Variants in PLXNC1 observed in about 807,000 individuals in gnomAD.
PLXNC1 encodes plexin C1, also known as plexin-C1.
In PLXNC1, 75 loss-of-function variants were observed where a neutral mutation model predicts 178.2. The ratio of observed to expected loss-of-function variants is 0.42; its 90% confidence interval spans 0.35 to 0.51. The LOEUF (loss-of-function observed/expected upper bound fraction) is 0.51, where lower values mean the gene tolerates loss of function less well. PLXNC1 is among the 20% of genes least tolerant of loss of function. The probability of loss-of-function intolerance (pLI) is 0.02; values close to 1 mark genes in which losing one functional copy is unlikely to be tolerated. For synonymous variants in PLXNC1, 790 were observed against 779.9 expected (o/e 1.01, Z -0.22); for missense variants, 1,503 against 1,984.4 (o/e 0.76, Z 4.61).
At chr12:94,204,443 A>T in intron 4 of PLXNC1, among the ~76,000 whole-genome samples, 1 of 152,246 alleles carries the variant, frequency 6.6e-6, no homozygotes, top group Admixed American at 6.5e-5. Flanking sequence ...GCTTAAAAAA[A>T]ATCTTTTAAT....
Position 94,300,916 on chromosome 12 carries a change from T to C in PLXNC1, c.4245T>C (p.Pro1415=), listed in dbSNP as rs61733432. 2,053 of 1,612,242 alleles carry C rather than the reference T, an allele frequency of 1.3e-3. 25 individuals carry two copies. The African/African-American group carries it at 0.023, about 18-fold the overall frequency. Residue 1415 remains proline (P), a synonymous_variant, in exon 28 of 31, where the codon CCT becomes CCC. Coordinates refer to ENST00000258526, the MANE Select transcript of PLXNC1 (RefSeq NM_005761.3). ...TTATTCTCTCTTTGAACAGCCTTCC[T>C]CTTCGCTTCTGGGTAAACATCCTGA... ...VVHIWKTNSL[P]LRFWVNILKN...
Position 94,240,600 on chromosome 12 carries a change from G to A in PLXNC1, c.2236G>A (p.Gly746Arg). The change falls in exon 11 of 31, where the codon GGA becomes AGA. Residue 746 changes from glycine to arginine, a missense_variant. Transcript: ENST00000258526. ...TGATGGTGGGAACTGCTCTTCTGTG[G>A]GATCCTTATCCTACATTGCTCTGCC... ...QFDGGNCSSV[G>R]SLSYIALPHC... is the part of the protein sequence containing the mutation. The A allele has an allele frequency of 1.9e-6, 3 of 1,613,960 alleles. No individual in the cohort carries two copies. Among genetic ancestry groups the A allele is most frequent in the Non-Finnish European group, 1.7e-6 (2 of 1,179,850 alleles).
At chr12:94,166,260 G>A (rs1165581846) in intron 1 of PLXNC1, among the ~76,000 whole-genome samples, 2 of 152,172 alleles carry the variant, frequency 1.3e-5, no homozygotes, top group Non-Finnish European at 2.9e-5. Context: ...CTTTACTGAG[G>A]CTTACGCACA....
Position 94,304,031 on chromosome 12 carries a change from A to G in PLXNC1, c.4582A>G (p.Ile1528Val). ...GGCCTTGACAGAAATTTACAAATAC[A>G]TCGTAAAATATTTTGATGAGGTAAG... is the stretch of plus-strand genomic sequence containing the variant. ...EVALTEIYKY[I>V]VKYFDEILNK... Residue 1528 changes from isoleucine to valine, a missense_variant, in exon 30 of 31, where the codon ATC becomes GTC. Around this residue, in one of 4 missense-constraint regions of PLXNC1, gnomAD observed 639 missense variants for 979.7 expected, o/e 0.65. Transcript: ENST00000258526. 2.6e-6 allele frequency: 4 copies of G among 1,561,112 alleles called. No homozygotes were observed. Among genetic ancestry groups the G allele is most frequent in the Non-Finnish European group, 3.5e-6 (4 of 1,133,388 alleles).
At chr12:94,251,058 T>TA (rs1201272872) in intron 14 of PLXNC1, among the ~76,000 whole-genome samples, 1 of 151,578 alleles carries the variant, frequency 6.6e-6, no homozygotes, top group Non-Finnish European at 1.5e-5. Flanking sequence ...GTAAAAATGA[T>TA]AAAAATTGAG....
At chr12:94,305,074 G>T in intron 30 of PLXNC1, 107 bp from the exon 31 acceptor site, 1 of 658,022 alleles carries the variant, frequency 1.5e-6, no homozygotes, top group Admixed American at 2.8e-5. Context: ...GAAAATGTTG[G>T]CATCTGTTTC....
chr12:94,233,240 T>A (rs1370562910), intron 9 of PLXNC1, among the ~76,000 whole-genome samples: 1 of 152,094 alleles, frequency 6.6e-6, no homozygotes, highest in Non-Finnish European at 1.5e-5. Context: ...CAGAATAGGC[T>A]TAGTGAGGCA....
intron 15 of PLXNC1, 34 bp from the exon 16 acceptor site, chr12:94,254,753 C>T: frequency 1.3e-6 from 2 of 1,487,658 alleles, no homozygotes; most frequent in Non-Finnish European, 1.8e-6. Flanking sequence ...TTTGAGTTAC[C>T]ATGTCCCTCT....
At chr12:94,214,318 C>A (rs1394861171) in intron 5 of PLXNC1, among the ~76,000 whole-genome samples, 1 of 152,040 alleles carries the variant, frequency 6.6e-6, no homozygotes, top group Non-Finnish European at 1.5e-5. Flanking sequence ...AACCCCTGGG[C>A]TCAAGTGATC....
At chr12:94,176,370 T>C (rs747469368) in intron 2 of PLXNC1, 7 of 152,212 alleles carry the variant, frequency 4.6e-5, no homozygotes, top group Non-Finnish European at 8.8e-5. Flanking sequence ...AGAGATGATA[T>C]GAACACTGAC....
At chr12:94,218,361 C>T (rs182702430) in intron 5 of PLXNC1, among the ~76,000 whole-genome samples, 1 of 152,172 alleles carries the variant, frequency 6.6e-6, no homozygotes, top group African/African-American at 2.4e-5. Context: ...TATCAAAGAA[C>T]CAGGGAGACA....
intron 4 of PLXNC1, among the ~76,000 whole-genome samples, chr12:94,190,030 G>A (rs1307952366): frequency 1.3e-5 from 2 of 152,102 alleles, no homozygotes; most frequent in African/African-American, 4.8e-5. Context: ...AGGAAGTGTT[G>A]GAAAGAGAGA....
At chr12:94,274,155 T>TAAAAAAAAAAAAAAAAAAAAAAAAAA (rs3060881) in intron 21 of PLXNC1, among the ~76,000 whole-genome samples, 1 of 45,370 alleles carries the variant, frequency 2.2e-5, no homozygotes, top group African/African-American at 1.2e-4. Context: ...ACCCTGTCTC[T>TAAAAAAAAAAAAAAAAAAAAAAAAAA]AAAAAAAAAA....
chr12:94,240,390 T>C, intron 10 of PLXNC1, 95 bp from the exon 11 acceptor site: 1 of 933,782 alleles, frequency 1.1e-6, no homozygotes, highest in Non-Finnish European at 1.7e-6. Flanking sequence ...CATGAAGTGT[T>C]GTAGTTCAAG....
intron 7 of PLXNC1, among the ~76,000 whole-genome samples, chr12:94,225,878 T>C (rs1963923758): frequency 6.6e-6 from 1 of 152,208 alleles, no homozygotes. Flanking sequence ...GCAGTTTCTG[T>C]AGATCAGAAT....
At chr12:94,287,562 C>T (rs954168417) in intron 23 of PLXNC1, among the ~76,000 whole-genome samples, 3 of 151,420 alleles carry the variant, frequency 2.0e-5, no homozygotes, top group Admixed American at 6.6e-5. Flanking sequence ...GATTACACTT[C>T]GAGTTCTGAG....
At chr12:94,290,028 T>C (rs1351843568) in intron 23 of PLXNC1, among the ~76,000 whole-genome samples, 1 of 152,218 alleles carries the variant, frequency 6.6e-6, no homozygotes, top group Non-Finnish European at 1.5e-5. Context: ...TTGGCAGCGT[T>C]CCTTATCAGA....
intron 12 of PLXNC1, among the ~76,000 whole-genome samples, chr12:94,245,060 A>G (rs1964489951): frequency 6.6e-6 from 1 of 152,134 alleles, no homozygotes; most frequent in African/African-American, 2.4e-5. Context: ...GCCGCCTGAT[A>G]GGCCGTCCTT....
intron 21 of PLXNC1, 35 bp downstream of exon 21, chr12:94,265,260 A>G: frequency 6.4e-7 from 1 of 1,567,544 alleles, no homozygotes; most frequent in African/African-American, 1.4e-5. Context: ...CCAGACTCCC[A>G]AATAAATCTG....
Sources: gnomAD v4.1 joint callset for allele counts (sites outside exome capture counted in the v4.1 genomes callset) on GRCh38, gnomAD v4.1.1 for gene constraint, gnomAD v4.1.1 regional missense constraint, MANE v1.5 for transcripts, NCBI Gene and HGNC (gene_info 2026-07-23, HGNC 2026-07-21) for gene names.